The following DTL variants were observed in gnomAD, a reference collection of about 807,000 sequenced individuals.
DTL encodes the protein denticleless E3 ubiquitin protein ligase adapter, also known as denticleless protein homolog.
A neutral mutation model predicts 87.0 loss-of-function variants in DTL; 46 were observed. The observed-to-expected ratio is 0.53, with a 90% CI of 0.42 to 0.68. The LOEUF is 0.68. Among genes scored for constraint, DTL ranks in the 30% least tolerant of loss-of-function variants. The pLI, the probability that DTL is intolerant of heterozygous loss-of-function variation, is 0.00. For synonymous variants in DTL, 308 were observed against 311.2 expected (o/e 0.99, Z 0.11); for missense variants, 737 against 869.4 (o/e 0.85, Z 1.91).
chr1:212,092,663 T>C (rs1169610296), intron 13 of DTL, among the ~76,000 whole-genome samples: 1 of 152,254 alleles, frequency 6.6e-6, no homozygotes, highest in Non-Finnish European at 1.5e-5. Context: ...TATCCACTTG[T>C]TGATTGAAGG....
chr1:212,072,544 A>G (rs750844730), intron 11 of DTL, among the ~76,000 whole-genome samples: 12 of 152,126 alleles, frequency 7.9e-5, no homozygotes, highest in Non-Finnish European at 1.3e-4. Flanking sequence ...TTTCTGCCCT[A>G]TGTTTTCAAA....
chr1:212,087,613 T>C (rs1229480132), intron 13 of DTL, among the ~76,000 whole-genome samples: 1 of 151,764 alleles, frequency 6.6e-6, no homozygotes, highest in Non-Finnish European at 1.5e-5. Context: ...GTAAGAGTTA[T>C]GCCTAGATTA....
chr1:212,084,143 T>C (rs1409663255), intron 13 of DTL, among the ~76,000 whole-genome samples: 1 of 152,154 alleles, frequency 6.6e-6, no homozygotes, highest in Non-Finnish European at 1.5e-5. Context: ...GTTTCTGTAG[T>C]CTTTGATGGT....
intron 1 of DTL, among the ~76,000 whole-genome samples, chr1:212,038,213 C>T (rs957023050): frequency 6.6e-6 from 1 of 152,242 alleles, no homozygotes; most frequent in African/African-American, 2.4e-5. Context: ...AAACTCCACA[C>T]GGCCAATGGC....
rs200892289 is a variant in DTL, at chr1:212,068,260, T to G, written c.750T>G (p.Thr250=). 1 of 1,610,720 alleles carries G rather than the reference T, an allele frequency of 6.2e-7. No homozygotes were observed. Among genetic ancestry groups the G allele is most frequent in the Admixed American group, 1.7e-5 (1 of 59,072 alleles). The change falls in exon 9 of 15, where the codon ACT becomes ACG. Residue 250 remains threonine (T), a synonymous_variant. Transcript: ENST00000366991. ...IKVWDLRKNY[T]AYRQEPIASK... The stretch of plus-strand genomic sequence containing the variant: ...TATGGGATTTACGTAAGAATTATAC[T>G]GCTTATCGACAAGAACCCATAGCAT...
chr1:212,043,042 C>T lies in DTL; in HGVS notation c.102C>T (p.Cys34=), dbSNP rs1422736733. 1.2e-6 allele frequency: 2 copies of T among 1,612,930 alleles called. No homozygotes were observed. The highest frequency in any genetic ancestry group is 1.7e-6 in the Non-Finnish European group (2 of 1,179,194). Residue 34 remains cysteine, a synonymous_variant, in exon 2 of 15, where the codon TGC becomes TGT. Transcript: ENST00000366991. ...PLQSLLTGYQ[C]SGNDEHTSYG... The stretch of plus-strand genomic sequence containing the variant: ...AATCCCTTCTGACTGGTTATCAGTG[C>T]AGTGGTAATGATGAACACACTTCTT...
At position 212,080,600 on chromosome 1, in the gene DTL, G is replaced by C; in HGVS notation, c.1126-15G>C. The C allele has an allele frequency of 1.9e-6, 3 of 1,597,942 alleles. No individual in the cohort carries two copies. The highest frequency in any genetic ancestry group is 2.6e-6 in the Non-Finnish European group (3 of 1,173,928). Reference sequence around the variant, plus strand: ...ATTGAAATTTCTTAATTCCCTTCTTGGTACTCCCTCTTAGATTGCTACCTG... The same window carrying C: ...ATTGAAATTTCTTAATTCCCTTCTTCGTACTCCCTCTTAGATTGCTACCTG... On this transcript the variant is annotated splice_polypyrimidine_tract_variant and intron_variant, in intron 12 of 14. Coordinates refer to ENST00000366991, the MANE Select transcript of DTL (RefSeq NM_016448.4).
In DTL at chr1:212,100,252, T is replaced by C. The variant is rs1334049141; in HGVS notation, c.1262T>C (p.Val421Ala). The change falls in exon 14 of 15, where the codon GTA (valine) becomes GCA (alanine). Residue 421 changes from valine to alanine, a missense_variant and splice_region_variant. Transcript: ENST00000366991. ...TTCATGATCCTCTCCTCTTTTTCAG[T>C]AACAGTAACGAGTAGCCAGAGTACT... is the stretch of plus-strand genomic sequence containing the variant. ...QKKKESRPGLVTVTSSQSTPA... is the reference protein window; with the variant it reads ...QKKKESRPGLATVTSSQSTPA... 2 of 1,531,772 alleles carry C rather than the reference T, an allele frequency of 1.3e-6. No individual in the cohort carries two copies. The highest frequency in any genetic ancestry group is 2.2e-5 in the Admixed American group (1 of 45,890). The allele number at this position is 1,531,772 out of a possible 1,614,324, so 94.9% of individuals were successfully genotyped here.
chr1:212,069,264 C>CT (rs1558081506), intron 10 of DTL, among the ~76,000 whole-genome samples: 1 of 151,754 alleles, frequency 6.6e-6, no homozygotes, highest in African/African-American at 2.4e-5. Context: ...ATGCTTTCCT[C>CT]TTTTTTTTAA....
chr1:212,065,094 T>C, intron 7 of DTL, 65 bp downstream of exon 7: 1 of 1,175,358 alleles, frequency 8.5e-7, no homozygotes, highest in Non-Finnish European at 1.3e-6. Flanking sequence ...AATGGGAGGC[T>C]ATTGATTAAG....
At chr1:212,059,791 A>AAC (rs1219243490) in intron 5 of DTL, among the ~76,000 whole-genome samples, 8 of 150,502 alleles carry the variant, frequency 5.3e-5, no homozygotes, top group South Asian at 2.1e-4. Context: ...AAAAAAAAAA[A>AAC]AAAAAAAAAA....
chr1:212,065,887 A>G (rs911389068), intron 7 of DTL, among the ~76,000 whole-genome samples: 1 of 151,898 alleles, frequency 6.6e-6, no homozygotes, highest in Admixed American at 6.6e-5. Flanking sequence ...TTGTTTTTTT[A>G]GTAGAGACGG....
chr1:212,080,993 C>T (rs1022148520), intron 13 of DTL, among the ~76,000 whole-genome samples: 15 of 152,202 alleles, frequency 9.9e-5, no homozygotes, highest in African/African-American at 3.6e-4. Context: ...GTGCTGGGCC[C>T]TGTTCTTAGT....
chr1:212,088,097 T>G (rs1329799311), intron 13 of DTL, among the ~76,000 whole-genome samples: 1 of 152,194 alleles, frequency 6.6e-6, no homozygotes, highest in Non-Finnish European at 1.5e-5. Context: ...CCCCAGTGAT[T>G]GATTCAATGG....
At chr1:212,081,940 G>A (rs1412144131) in intron 13 of DTL, among the ~76,000 whole-genome samples, 1 of 152,182 alleles carries the variant, frequency 6.6e-6, no homozygotes, top group Non-Finnish European at 1.5e-5. Flanking sequence ...GCAGTTCAGG[G>A]TTGAAGTTGC....
intron 13 of DTL, among the ~76,000 whole-genome samples, chr1:212,087,153 T>C (rs1312900361): frequency 1.3e-5 from 2 of 152,190 alleles, no homozygotes; most frequent in Admixed American, 6.5e-5. Context: ...GCTTAAAATC[T>C]CATAGCTATG....
At chr1:212,036,906 T>C (rs1667485034) in intron 1 of DTL, among the ~76,000 whole-genome samples, 1 of 152,228 alleles carries the variant, frequency 6.6e-6, no homozygotes, top group Admixed American at 6.5e-5. Context: ...GCGATGAGTC[T>C]AGGAAAATAA....
At position 212,104,545 on chromosome 1, in the gene DTL, C is replaced by T. The variant is rs901720264; in HGVS notation, c.*1605C>T. ...ATTTATGACCAATATCTGCCAGTAA[C>T]GCTGTTTATCTCACTTGCTTTGAAA... On this transcript the variant is annotated 3_prime_UTR_variant, in exon 15 of 15. Transcript: ENST00000366991. 2.6e-5 allele frequency: 4 copies of T among 151,646 alleles called. No individual in the cohort carries two copies. The highest frequency in any genetic ancestry group is 7.3e-5 in the African/African-American group (3 of 41,254). 9.4% of individuals were successfully genotyped at this position (151,646 alleles called of 1,614,324 possible). A position where few individuals can be genotyped will look rare whatever the true frequency, so the allele number is the denominator to read the frequency against.
At chr1:212,062,849 G>A in intron 5 of DTL, 35 bp from the exon 6 acceptor site, 3 of 1,573,688 alleles carry the variant, frequency 1.9e-6, no homozygotes, top group Non-Finnish European at 2.6e-6. Context: ...GACTGGTTTT[G>A]TTAACCTCTT....
Sources: gnomAD v4.1 joint callset for allele counts (sites outside exome capture counted in the v4.1 genomes callset) on GRCh38, gnomAD v4.1.1 for gene constraint, MANE v1.5 for transcripts, NCBI Gene and HGNC (gene_info 2026-07-23, HGNC 2026-07-21) for gene names.